PLXNA4: variants seen among roughly 807,000 people sequenced by gnomAD.
PLXNA4 encodes the protein plexin-A4.
In PLXNA4, 44 loss-of-function variants were observed where a neutral mutation model predicts 191.8. That is an observed-to-expected ratio of 0.23 (90% CI 0.18 to 0.29). The LOEUF (loss-of-function observed/expected upper bound fraction) is 0.29, where lower values mean the gene tolerates loss of function less well. Among genes scored for constraint, PLXNA4 ranks in the 10% least tolerant of loss-of-function variants. The pLI is 1.00. For missense variants in PLXNA4, 1,800 were observed against 2,488.8 expected (o/e 0.72, Z 5.89); for synonymous variants, 1,082 against 1,009.5 (o/e 1.07, Z -1.36).
intron 3 of PLXNA4, chr7:132,384,751 C>T (rs1429479064): frequency 1.9e-5 from 3 of 157,918 alleles, no homozygotes; most frequent in Non-Finnish European, 3.0e-5. Flanking sequence ...AGCATACACA[C>T]ACACACACAC....
intron 2 of PLXNA4, among the ~76,000 whole-genome samples, chr7:132,597,859 C>CTCTCTATATA (rs10660880): frequency 1.2e-4 from 18 of 145,360 alleles, no homozygotes; most frequent in African/African-American, 4.0e-4. Context: ...CTCTCTCTCT[C>CTCTCTATATA]TATATATATA....
chr7:132,368,786 C>T (rs1178887880), intron 3 of PLXNA4, among the ~76,000 whole-genome samples: 1 of 152,164 alleles, frequency 6.6e-6, no homozygotes, highest in African/African-American at 2.4e-5. Flanking sequence ...CCAGCCCTCC[C>T]AAAGCACATG....
At chr7:132,442,136 G>A (rs1585140653) in intron 3 of PLXNA4, among the ~76,000 whole-genome samples, 2 of 152,154 alleles carry the variant, frequency 1.3e-5, no homozygotes, top group Non-Finnish European at 2.9e-5. Context: ...GGACACCCAG[G>A]CACTCCAGAG....
rs75672929 is a variant in PLXNA4 at position 132,487,474 on chromosome 7, A to C, written c.1371+1818T>G. ...GTAATGCCCCCGGTATTTAGAATTC[A>C]CTTTTCCAGCAGACCAAATTTGCCA... On this transcript the variant is annotated intron_variant, in intron 3 of 31. Coordinates refer to ENST00000321063, the MANE Select transcript of PLXNA4 (RefSeq NM_020911.2). Among the ~76,000 whole-genome samples, 3 of 152,352 alleles carry C rather than the reference A, an allele frequency of 2.0e-5. No homozygotes were observed. The East Asian group carries it at 5.8e-4, about 29-fold the overall frequency.
intron 4 of PLXNA4, among the ~76,000 whole-genome samples, chr7:132,278,513 C>A (rs1800359590): frequency 6.6e-6 from 1 of 152,212 alleles, no homozygotes; most frequent in South Asian, 2.1e-4. Context: ...CCAGCCCATG[C>A]ATGGCCACAA....
intron 4 of PLXNA4, among the ~76,000 whole-genome samples, chr7:132,291,504 G>A (rs960662535): frequency 1.3e-5 from 2 of 152,198 alleles, no homozygotes; most frequent in African/African-American, 4.8e-5. Flanking sequence ...CTAGAAGAAT[G>A]CTTGGCTCAG....
At chr7:132,423,887 C>T (rs1385455707) in intron 3 of PLXNA4, among the ~76,000 whole-genome samples, 2 of 152,196 alleles carry the variant, frequency 1.3e-5, no homozygotes, top group African/African-American at 2.4e-5. Flanking sequence ...ATCGGGGCCA[C>T]AAGGAGAAAG....
At chr7:132,199,200 G>T (rs890756089) in intron 12 of PLXNA4, among the ~76,000 whole-genome samples, 1 of 152,008 alleles carries the variant, frequency 6.6e-6, no homozygotes, top group African/African-American at 2.4e-5. Flanking sequence ...CTCCTCCTCC[G>T]ATCCTGAGTC....
intron 24 of PLXNA4, among the ~76,000 whole-genome samples, chr7:132,163,460 T>C (rs1358599190): frequency 6.6e-6 from 1 of 152,186 alleles, no homozygotes; most frequent in Non-Finnish European, 1.5e-5. Flanking sequence ...TTCAGAGAGA[T>C]TAGGAACCTG....
rs145064330 is a variant in PLXNA4 at position 132,598,912 on chromosome 7, C to T, written c.-87+47016G>A. 6.5e-3 allele frequency among the ~76,000 whole-genome samples: 984 copies of T among 152,294 alleles called. 17 individuals carry two copies. Among genetic ancestry groups the T allele is most frequent in the African/African-American group, 0.022 (902 of 41,568 alleles). On this transcript the variant is annotated intron_variant, in intron 2 of 4. Transcript: ENST00000378539. ...TAACCTTATAGTTTAGTCCTTCCTA[C>T]TTAGGCCTTTAATCCGTCTCTAGGT...
intron 4 of PLXNA4, among the ~76,000 whole-genome samples, chr7:132,268,431 C>G (rs1374719134): frequency 6.6e-6 from 1 of 152,186 alleles, no homozygotes; most frequent in Non-Finnish European, 1.5e-5. Flanking sequence ...CCACTCTGTG[C>G]AATTCTTTAT....
intron 3 of PLXNA4, among the ~76,000 whole-genome samples, chr7:132,320,468 A>G (rs905100186): frequency 7.2e-5 from 11 of 152,212 alleles, no homozygotes; most frequent in African/African-American, 2.7e-4. Context: ...TTAGATCTCC[A>G]AAGACCCTAT....
intron 3 of PLXNA4, among the ~76,000 whole-genome samples, chr7:132,377,327 T>A (rs1804696413): frequency 6.6e-6 from 1 of 152,040 alleles, no homozygotes; most frequent in Non-Finnish European, 1.5e-5. Flanking sequence ...TGCCTCCTTT[T>A]TATAGCCTCC....
In PLXNA4 at chr7:132,140,724, G is replaced by A; in HGVS notation, c.5313C>T (p.Leu1771=). ...IHKNSITDAC[L]SVVAQTFMDS... ...CCATGAAGGTCTGAGCCACCACAGA[G>A]AGGCAGGCGTCTGTGATGCTGTTCT... Residue 1771 remains leucine, a synonymous_variant, in exon 30 of 32, where the codon CTC becomes CTT. Transcript: ENST00000321063. The A allele has an allele frequency of 6.2e-7, 1 of 1,614,162 alleles. No homozygotes were observed. Among genetic ancestry groups the A allele is most frequent in the Non-Finnish European group, 8.5e-7 (1 of 1,180,034 alleles).
At chr7:132,351,517 G>C (rs1359448484) in intron 3 of PLXNA4, among the ~76,000 whole-genome samples, 1 of 152,192 alleles carries the variant, frequency 6.6e-6, no homozygotes, top group Non-Finnish European at 1.5e-5. Context: ...GTTGGCTCCA[G>C]CTTCCTGGGA....
chr7:132,535,664 G>T (rs114229236), intron 1 of PLXNA4, among the ~76,000 whole-genome samples: 1,525 of 152,178 alleles, frequency 0.01, 25 homozygotes, highest in African/African-American at 0.035. Flanking sequence ...GTGTGACCCC[G>T]AGAGAATAGA....
intron 4 of PLXNA4, among the ~76,000 whole-genome samples, chr7:132,259,618 T>C (rs1365877305): frequency 1.3e-5 from 2 of 152,054 alleles, no homozygotes; most frequent in Non-Finnish European, 2.9e-5. Flanking sequence ...TGCATCTTGG[T>C]TCTTCTATAG....
chr7:132,205,381 C>T (rs535719660), intron 10 of PLXNA4, among the ~76,000 whole-genome samples: 3 of 152,232 alleles, frequency 2.0e-5, no homozygotes, highest in Non-Finnish European at 2.9e-5. Context: ...TCTGTGATTC[C>T]GGTGCTGGTT....
chr7:132,555,387 C>T (rs1181130769), intron 1 of PLXNA4, among the ~76,000 whole-genome samples: 1 of 152,140 alleles, frequency 6.6e-6, no homozygotes, highest in Non-Finnish European at 1.5e-5. Flanking sequence ...TGTTGAAGCC[C>T]AGTGTTAGAA....
Sources: gnomAD v4.1 joint callset for allele counts (sites outside exome capture counted in the v4.1 genomes callset) on GRCh38, gnomAD v4.1.1 for gene constraint, MANE v1.5 for transcripts, NCBI Gene and HGNC (gene_info 2026-07-23, HGNC 2026-07-21) for gene names.